Variants in CYTH1 observed in about 807,000 individuals in gnomAD.
The protein encoded by CYTH1 is cytohesin 1, also known as cytohesin-1.
In CYTH1, 18 loss-of-function variants were observed where a neutral mutation model predicts 61.8. The observed-to-expected ratio is 0.29, with a 90% CI of 0.20 to 0.43. The LOEUF (loss-of-function observed/expected upper bound fraction) is 0.43. CYTH1 is among the 20% of genes least tolerant of loss of function. The pLI, the probability that CYTH1 is intolerant of heterozygous loss-of-function variation, is 1.00. For synonymous variants in CYTH1, 174 were observed against 184.3 expected (o/e 0.94, Z 0.45); for missense variants, 336 against 510.5 (o/e 0.66, Z 3.29).
At chr17:78,715,317 G>C (rs1441305972) in intron 1 of CYTH1, among the ~76,000 whole-genome samples, 2 of 152,170 alleles carry the variant, frequency 1.3e-5, no homozygotes, top group Admixed American at 6.5e-5. Context: ...CAGTCAAGTA[G>C]GAGGGTAAAA....
At position 78,758,462 on chromosome 17, in the gene CYTH1, T is replaced by C. The variant is rs187825074; in HGVS notation, c.22+23740A>G. Among the ~76,000 whole-genome samples, 4 of 152,264 alleles carry C rather than the reference T, an allele frequency of 2.6e-5. No homozygotes were observed. The East Asian group carries it at 7.7e-4, about 29-fold the overall frequency. ...GCTCACGCCTGTAATCCCAGCACTT[T>C]GGGAGGCCGAGGCAGGCAGATCACC... On this transcript the variant is annotated intron_variant, in intron 1 of 13. Coordinates refer to ENST00000446868, the MANE Select transcript of CYTH1 (RefSeq NM_004762.6).
At chr17:78,759,949 G>A (rs1286500231) in intron 1 of CYTH1, among the ~76,000 whole-genome samples, 1 of 152,148 alleles carries the variant, frequency 6.6e-6, no homozygotes, top group African/African-American at 2.4e-5. Context: ...GTATATTTGT[G>A]TGCATGTGTG....
chr17:78,720,380 G>A (rs1323921899), intron 1 of CYTH1, among the ~76,000 whole-genome samples: 4 of 152,184 alleles, frequency 2.6e-5, no homozygotes, highest in Middle Eastern at 3.4e-3. Flanking sequence ...GTGCACTGCC[G>A]CAACCTCAGC....
In CYTH1 at chr17:78,680,307, T is replaced by C. The variant is rs1454054814; in HGVS notation, c.1001A>G (p.Gln334Arg). ...CTCGGTCTTGCAGGCCTTGATAACTTGGTCTTTATTGTCGGGGATATAAAG... is the reference window on the plus strand; with the variant it reads ...CTCGGTCTTGCAGGCCTTGATAACTCGGTCTTTATTGTCGGGGATATAAAG... ...FELYIPDNKD[Q>R]VIKACKTEAD... The change falls in exon 13 of 14, where the codon CAA becomes CGA. Residue 334 changes from glutamine to arginine, a missense_variant. Transcript: ENST00000446868. 6.2e-7 allele frequency: 1 copy of C among 1,614,152 alleles called. No individual in the cohort carries two copies. Among genetic ancestry groups the C allele is most frequent in the South Asian group, 1.1e-5 (1 of 91,080 alleles).
intron 1 of CYTH1, among the ~76,000 whole-genome samples, chr17:78,761,685 A>G (rs9900681): frequency 1.3e-5 from 2 of 151,872 alleles, no homozygotes; most frequent in East Asian, 3.9e-4. Flanking sequence ...TTGCAGTGAG[A>G]CGAGATCACG....
chr17:78,685,920 A>G (rs1174441827), intron 11 of CYTH1, among the ~76,000 whole-genome samples: 1 of 152,218 alleles, frequency 6.6e-6, no homozygotes, highest in African/African-American at 2.4e-5. Flanking sequence ...TTTTTCCAAC[A>G]GAACGACCAG....
At chr17:78,706,641 T>G (rs543795705) in intron 3 of CYTH1, among the ~76,000 whole-genome samples, 1 of 152,360 alleles carries the variant, frequency 6.6e-6, no homozygotes, top group South Asian at 2.1e-4. Context: ...CTTAAGTAAC[T>G]AGGAGTTGAA....
chr17:78,691,056 C>A (rs1308834433), intron 11 of CYTH1, among the ~76,000 whole-genome samples: 4 of 152,196 alleles, frequency 2.6e-5, no homozygotes, highest in African/African-American at 7.2e-5. Flanking sequence ...GGGGGTGAAG[C>A]AGAAAGCAGC....
chr17:78,750,900 C>G (rs1235827990), intron 1 of CYTH1, among the ~76,000 whole-genome samples: 1 of 152,088 alleles, frequency 6.6e-6, no homozygotes, highest in African/African-American at 2.4e-5. Flanking sequence ...CTACAGACCT[C>G]TGGTCACACT....
rs184952174 is a variant in CYTH1 at position 78,694,893 on chromosome 17, G to T, written c.814+1114C>A. Among the ~76,000 whole-genome samples the T allele has an allele frequency of 1.2e-4, 18 of 152,170 alleles. No homozygotes were observed. The East Asian group carries it at 3.3e-3, about 28-fold the overall frequency. On this transcript the variant is annotated intron_variant, in intron 10 of 13. Transcript: ENST00000446868. ...GTGGGCCCACGGGGAACATTTCCAC[G>T]TGGAAAGAAAAGCAGACATGAAACA...
intron 1 of CYTH1, among the ~76,000 whole-genome samples, chr17:78,721,579 C>CTTCT (rs1408287600): frequency 2.0e-5 from 3 of 152,250 alleles, no homozygotes; most frequent in East Asian, 3.8e-4. Context: ...CTTCGGTCCT[C>CTTCT]TTCTCAGTGT....
intron 1 of CYTH1, among the ~76,000 whole-genome samples, chr17:78,715,891 G>C (rs1225657313): frequency 6.6e-6 from 1 of 152,166 alleles, no homozygotes; most frequent in Non-Finnish European, 1.5e-5. Context: ...TGTTACCAAG[G>C]TGAAGGAAGA....
At chr17:78,763,056 A>T (rs2093434820) in intron 1 of CYTH1, among the ~76,000 whole-genome samples, 2 of 152,112 alleles carry the variant, frequency 1.3e-5, no homozygotes, top group Admixed American at 6.6e-5. Context: ...TCAAAAAAAG[A>T]CTTTTGGCCA....
chr17:78,761,513 C>A lies in CYTH1; in HGVS notation c.22+20689G>T, dbSNP rs554326188. 5.2e-4 allele frequency among the ~76,000 whole-genome samples: 79 copies of A among 152,246 alleles called. 3 individuals are homozygous for A. The highest frequency in any genetic ancestry group is 2.4e-4 in the African/African-American group (10 of 41,574). The stretch of plus-strand genomic sequence containing the variant: ...CAACACTTTGGGAGGCCGAGGCGGG[C>A]GGATCACGAGATCAGGAGATCCAGA... On this transcript the variant is annotated intron_variant, in intron 1 of 13. Coordinates refer to ENST00000446868, the MANE Select transcript of CYTH1 (RefSeq NM_004762.6).
At chr17:78,769,097 C>T (rs985801378) in intron 1 of CYTH1, among the ~76,000 whole-genome samples, 3 of 151,336 alleles carry the variant, frequency 2.0e-5, no homozygotes, top group Non-Finnish European at 4.4e-5. Flanking sequence ...AGTGAGCTGA[C>T]ATCACGCCAC....
At chr17:78,712,659 AAATAAT>A (rs997453585) in intron 1 of CYTH1, among the ~76,000 whole-genome samples, 6 of 151,790 alleles carry the variant, frequency 4.0e-5, no homozygotes, top group Non-Finnish European at 7.4e-5. Flanking sequence ...TCTGTCTCAA[AAATAAT>A]AATAATAATA....
At chr17:78,750,608 C>T (rs956357919) in intron 1 of CYTH1, among the ~76,000 whole-genome samples, 3 of 152,054 alleles carry the variant, frequency 2.0e-5, no homozygotes, top group African/African-American at 4.8e-5. Context: ...GAGTTCGAGA[C>T]CAGCCTGGCC....
intron 3 of CYTH1, among the ~76,000 whole-genome samples, chr17:78,707,847 A>C (rs1056378622): frequency 7.2e-5 from 11 of 152,002 alleles, no homozygotes; most frequent in African/African-American, 2.7e-4. Flanking sequence ...CACCCGTCTA[A>C]TTTTTGTATT....
At chr17:78,772,304 C>T (rs1041247372) in intron 1 of CYTH1, among the ~76,000 whole-genome samples, 1 of 152,120 alleles carries the variant, frequency 6.6e-6, no homozygotes, top group Non-Finnish European at 1.5e-5. Context: ...ATGTTTCATC[C>T]CTTTCATCTC....
Sources: gnomAD v4.1 joint callset for allele counts (sites outside exome capture counted in the v4.1 genomes callset) on GRCh38, gnomAD v4.1.1 for gene constraint, MANE v1.5 for transcripts, NCBI Gene and HGNC (gene_info 2026-07-23, HGNC 2026-07-21) for gene names.